Variants in SPAG6 observed in about 807,000 individuals in gnomAD.
SPAG6 encodes the protein sperm associated antigen 6, also known as sperm-associated antigen 6.
A neutral mutation model predicts 58.5 loss-of-function variants in SPAG6; 49 were observed. The observed-to-expected ratio is 0.84, with a 90% CI of 0.67 to 1.06. The LOEUF (loss-of-function observed/expected upper bound fraction) is 1.06. SPAG6 is among the 50% of genes least tolerant of loss of function. SPAG6 has a pLI of 0.00. For synonymous variants in SPAG6, 233 were observed against 225.6 expected (o/e 1.03, Z -0.29); for missense variants, 560 against 611.3 (o/e 0.92, Z 0.89).
At position 22,345,730 on chromosome 10, in the gene SPAG6, G is replaced by A. The variant is rs1280234262; in HGVS notation, c.33G>A (p.Glu11=). 6.2e-7 allele frequency: 1 copy of A among 1,612,470 alleles called. No homozygotes were observed. ...CGACTCTCTCTCCCGCAGTGTTCGA[G>A]CAATACCAGAAGGCCAGGACCCAGT... The part of the protein sequence containing the change: MSQRQVLQVF[E]QYQKARTQFV... The change falls in exon 2 of 11, where the codon GAG becomes GAA. Residue 11 remains glutamate, a synonymous_variant. Coordinates refer to ENST00000376624, the MANE Select transcript of SPAG6 (RefSeq NM_012443.4). The surrounding 1 kb of genome is among the most constrained non-coding windows in gnomAD (Gnocchi z 6.3).
At position 22,410,880 on chromosome 10, in the gene SPAG6, T is replaced by A. The variant is rs953357927; in HGVS notation, c.1315-151T>A. The A allele has an allele frequency of 4.2e-6, 3 of 719,506 alleles. No individual in the cohort carries two copies. The Admixed American group carries it at 1.0e-4, about 24-fold the overall frequency. The allele number at this position is 719,506 out of a possible 1,614,324, so 44.6% of individuals were successfully genotyped here. On this transcript the variant is annotated intron_variant, in intron 9 of 10. Transcript: ENST00000376624. ...ACACATTCTAAAAAGCACATTTCAC[T>A]TCAAATTAGCAGCAGATTTGGCTCA...
At position 22,388,143 on chromosome 10, in the gene SPAG6, G is replaced by C. The variant is rs1366136532; in HGVS notation, c.852+147G>C. On this transcript the variant is annotated intron_variant, in intron 6 of 10. Transcript: ENST00000376624. ...CGTCTTCTACTGATGTTTTGGACTG[G>C]GTAGTTCTTTGTTGTGGGGAGCTGG... 4.6e-6 allele frequency: 3 copies of C among 649,240 alleles called. No individual in the cohort carries two copies. In the East Asian group the frequency reaches 8.4e-5, roughly 18 times the overall value. The allele number at this position is 649,240 out of a possible 1,614,324, so 40.2% of individuals were successfully genotyped here. A position where few individuals can be genotyped will look rare whatever the true frequency, so the allele number is the denominator to read the frequency against.
chr10:22,362,229 C>G (rs2132045026), intron 2 of SPAG6, among the ~76,000 whole-genome samples: 1 of 146,344 alleles, frequency 6.8e-6, no homozygotes, highest in South Asian at 2.1e-4. Flanking sequence ...ATGTATATAT[C>G]TATATATTTC....
At chr10:22,359,870 T>C (rs1182120995) in intron 2 of SPAG6, among the ~76,000 whole-genome samples, 2 of 152,176 alleles carry the variant, frequency 1.3e-5, no homozygotes, top group Non-Finnish European at 2.9e-5. Flanking sequence ...GTTACATAGG[T>C]AAACGTTGTT....
chr10:22,380,428 C>T (rs982759317), intron 4 of SPAG6, among the ~76,000 whole-genome samples: 5 of 152,016 alleles, frequency 3.3e-5, no homozygotes, highest in East Asian at 1.9e-4. Context: ...CTCAGCCTCC[C>T]GAGTAGCTAC....
intron 10 of SPAG6, 144 bp downstream of exon 10, chr10:22,411,320 C>T (rs1189086365): frequency 1.0e-5 from 6 of 582,516 alleles, no homozygotes; most frequent in African/African-American, 1.9e-5. Context: ...CTCTTGATCT[C>T]TTCCCCCTGC....
At position 22,385,146 on chromosome 10, in the gene SPAG6, G is replaced by A. The variant is rs140048263; in HGVS notation, c.473-1608G>A. Among the ~76,000 whole-genome samples, 1,349 of 152,096 alleles carry A rather than the reference G, an allele frequency of 8.9e-3. 20 individuals are homozygous for A. The highest frequency in any genetic ancestry group is 0.03 in the African/African-American group (1,250 of 41,478). On this transcript the variant is annotated intron_variant, in intron 4 of 10. Transcript: ENST00000376624. ...CAGAATGTTAATTATCAGAAAATGA[G>A]TATTTTATTTAGAAATTATATGTAA... is the stretch of plus-strand genomic sequence containing the variant.
intron 4 of SPAG6, among the ~76,000 whole-genome samples, chr10:22,372,838 T>A (rs111948495): frequency 0.02 from 3,119 of 152,280 alleles, 37 homozygotes; most frequent in Non-Finnish European, 0.032. Context: ...ATACATTTGA[T>A]TAGACATTCT....
intron 10 of SPAG6, among the ~76,000 whole-genome samples, chr10:22,414,538 T>TA (rs1834824226): frequency 6.6e-6 from 1 of 152,168 alleles, no homozygotes; most frequent in Admixed American, 6.5e-5. Flanking sequence ...TAAAGATAAT[T>TA]ACCTATTTCA....
chr10:22,411,992 A>G (rs1440489705), intron 10 of SPAG6, among the ~76,000 whole-genome samples: 2 of 151,710 alleles, frequency 1.3e-5, no homozygotes, highest in African/African-American at 4.8e-5. Flanking sequence ...GGTACTACAG[A>G]CGCCCGCCAT....
intron 3 of SPAG6, among the ~76,000 whole-genome samples, chr10:22,368,098 T>C (rs1259795547): frequency 6.6e-6 from 1 of 152,218 alleles, no homozygotes; most frequent in Non-Finnish European, 1.5e-5. Flanking sequence ...ATTAGTCAGT[T>C]GACAGTGAGC....
chr10:22,398,895 C>T (rs1048568746), intron 8 of SPAG6, among the ~76,000 whole-genome samples: 19 of 151,938 alleles, frequency 1.3e-4, no homozygotes, highest in Non-Finnish European at 2.8e-4. Flanking sequence ...CTCAGCTTAC[C>T]GCAACCTCCG....
intron 2 of SPAG6, among the ~76,000 whole-genome samples, chr10:22,356,561 C>G (rs555435282): frequency 6.6e-6 from 1 of 152,308 alleles, no homozygotes; most frequent in South Asian, 2.1e-4. Flanking sequence ...TTATCTCTTG[C>G]TACCTCACTC....
intron 10 of SPAG6, chr10:22,413,110 G>GAA (rs1834782812): frequency 7.4e-6 from 1 of 135,518 alleles, no homozygotes; most frequent in Non-Finnish European, 1.5e-5. Context: ...TCCCCAGAAT[G>GAA]AATGACCTAT....
At chr10:22,359,563 A>G (rs1350304802) in intron 2 of SPAG6, 5 of 152,140 alleles carry the variant, frequency 3.3e-5, no homozygotes, top group Admixed American at 1.3e-4. Flanking sequence ...CCAGCTGGGT[A>G]TGGAGTTTTT....
intron 4 of SPAG6, among the ~76,000 whole-genome samples, chr10:22,374,234 A>G (rs1255823836): frequency 6.6e-6 from 1 of 152,190 alleles, no homozygotes; most frequent in Non-Finnish European, 1.5e-5. Flanking sequence ...TGTCATCATC[A>G]TGGTAATCAT....
intron 8 of SPAG6, among the ~76,000 whole-genome samples, chr10:22,400,380 GAA>G: frequency 6.6e-6 from 1 of 152,110 alleles, no homozygotes; most frequent in Non-Finnish European, 1.5e-5. Context: ...TTAAGAAAAA[GAA>G]AATGAATCAC....
chr10:22,357,973 C>A (rs1363834606), intron 2 of SPAG6, among the ~76,000 whole-genome samples: 1 of 152,024 alleles, frequency 6.6e-6, no homozygotes, highest in East Asian at 1.9e-4. Context: ...TTTTCTTAAT[C>A]CAGTCTCTCA....
At chr10:22,396,865 T>A (rs1834305073) in intron 8 of SPAG6, among the ~76,000 whole-genome samples, 1 of 152,170 alleles carries the variant, frequency 6.6e-6, no homozygotes, top group South Asian at 2.1e-4. Flanking sequence ...CAGAATGCCC[T>A]CAATAGATAG....
Sources: gnomAD v4.1 joint callset for allele counts (sites outside exome capture counted in the v4.1 genomes callset) on GRCh38, gnomAD v4.1.1 for gene constraint, Gnocchi (gnomAD v3.1) non-coding constraint, MANE v1.5 for transcripts, NCBI Gene and HGNC (gene_info 2026-07-23, HGNC 2026-07-21) for gene names.